PRELID2: variants seen among roughly 807,000 people sequenced by gnomAD.
PRELID2 encodes PRELI domain-containing protein 2.
A neutral mutation model predicts 28.4 loss-of-function variants in PRELID2; 25 were observed. The ratio of observed to expected loss-of-function variants is 0.88; its 90% CI spans 0.64 to 1.23. PRELID2 has a LOEUF of 1.23. Ranked by LOEUF, PRELID2 falls within the 50% of genes most tolerant of loss-of-function variation. PRELID2 has a pLI of 0.00. For missense variants in PRELID2, 201 were observed against 214.4 expected (o/e 0.94, Z 0.39); for synonymous variants, 76 against 71.6 (o/e 1.06, Z -0.31).
chr5:145,431,608 G>A, the PRELID2 span, among the ~76,000 whole-genome samples: 30 of 152,248 alleles, frequency 2.0e-4, no homozygotes, highest in Non-Finnish European at 2.9e-4. Flanking sequence ...CATCAGCTCC[G>A]TAATATTTCT....
chr5:145,813,691 G>C (rs573453931), intron 4 of PRELID2, among the ~76,000 whole-genome samples: 1 of 152,162 alleles, frequency 6.6e-6, no homozygotes, highest in South Asian at 2.1e-4. Flanking sequence ...CTTTGACCTT[G>C]ACATAGTAGG....
chr5:145,316,991 C>G, the PRELID2 span, among the ~76,000 whole-genome samples: 1 of 152,178 alleles, frequency 6.6e-6, no homozygotes, highest in Non-Finnish European at 1.5e-5. Context: ...TCAGATTCCA[C>G]CAGGATATTT....
chr5:145,521,664 G>C (rs114863574), intron 1 of PRELID2, among the ~76,000 whole-genome samples: 3,290 of 152,124 alleles, frequency 0.022, 120 homozygotes, highest in African/African-American at 0.076. Context: ...TTGTTCTTCA[G>C]GGAACAGGTA....
chr5:145,477,807 C>A (rs1291312398), intron 1 of PRELID2, among the ~76,000 whole-genome samples: 1 of 150,960 alleles, frequency 6.6e-6, no homozygotes, highest in Non-Finnish European at 1.5e-5. Flanking sequence ...TGTATAAATA[C>A]CTTTTTAGTC....
intron 1 of PRELID2, among the ~76,000 whole-genome samples, chr5:145,591,739 T>C (rs2149631420): frequency 6.6e-6 from 1 of 152,328 alleles, no homozygotes. Context: ...AGGAAACCCA[T>C]TCTTTACCAC....
chr5:145,520,127 A>T (rs1752551670), intron 1 of PRELID2, among the ~76,000 whole-genome samples: 1 of 152,194 alleles, frequency 6.6e-6, no homozygotes, highest in African/African-American at 2.4e-5. Flanking sequence ...GTACAAAAAA[A>T]TTCTGTAAAG....
At chr5:145,628,702 C>T (rs1753890518) in intron 1 of PRELID2, among the ~76,000 whole-genome samples, 1 of 152,270 alleles carries the variant, frequency 6.6e-6, no homozygotes, top group East Asian at 1.9e-4. Context: ...CCAGCTCCTC[C>T]TCTTCTTTCA....
At chr5:145,512,484 A>G (rs1752470171) in intron 1 of PRELID2, among the ~76,000 whole-genome samples, 2 of 152,362 alleles carry the variant, frequency 1.3e-5, no homozygotes, top group East Asian at 1.9e-4. Flanking sequence ...AAAGAAAGGC[A>G]GCAGCCCCAG....
intron 4 of PRELID2, among the ~76,000 whole-genome samples, chr5:145,802,884 G>C (rs997110680): frequency 1.3e-5 from 2 of 152,108 alleles, no homozygotes; most frequent in African/African-American, 4.8e-5. Flanking sequence ...ATATGGATCA[G>C]GAATTAATCC....
chr5:145,507,032 T>C (rs968884384), intron 1 of PRELID2, among the ~76,000 whole-genome samples: 4 of 152,204 alleles, frequency 2.6e-5, no homozygotes, highest in Non-Finnish European at 1.5e-5. Context: ...TTCTCTGTCT[T>C]ATTCACTATT....
chr5:145,466,471 T>C, the PRELID2 span, among the ~76,000 whole-genome samples: 4 of 152,172 alleles, frequency 2.6e-5, no homozygotes, highest in South Asian at 2.1e-4. Context: ...TTAGAATATA[T>C]ATTACATGAT....
chr5:145,292,706 CACTTTT>C, the PRELID2 span, among the ~76,000 whole-genome samples: 2 of 152,022 alleles, frequency 1.3e-5, no homozygotes, highest in South Asian at 4.2e-4. Context: ...TCATTTCCCA[CACTTTT>C]ACTTTATTTT....
chr5:145,686,710 T>C (rs1481482619), intron 1 of PRELID2, among the ~76,000 whole-genome samples: 4 of 152,204 alleles, frequency 2.6e-5, no homozygotes, highest in Admixed American at 6.5e-5. Context: ...CTTGCCCTTT[T>C]GTTTCCGCCA....
chr5:145,643,325 GTGTGTAGGAA>G (rs1754140139), intron 1 of PRELID2, among the ~76,000 whole-genome samples: 1 of 152,112 alleles, frequency 6.6e-6, no homozygotes, highest in African/African-American at 2.4e-5. Context: ...TCTGTTATTG[GTGTGTAGGAA>G]TGCTTGTGAT....
the PRELID2 span, among the ~76,000 whole-genome samples, chr5:145,387,899 C>T: frequency 8.8e-3 from 1,307 of 149,264 alleles, 22 homozygotes; most frequent in African/African-American, 0.031. Flanking sequence ...GCACTCCAGC[C>T]TAGGCAAGAG....
chr5:145,417,910 G>C, the PRELID2 span, among the ~76,000 whole-genome samples: 1 of 152,234 alleles, frequency 6.6e-6, no homozygotes, highest in East Asian at 1.9e-4. Flanking sequence ...AATCAAGCAA[G>C]AGAAAGAAAT....
intron 1 of PRELID2, among the ~76,000 whole-genome samples, chr5:145,693,760 T>C (rs1382076161): frequency 6.6e-6 from 1 of 151,982 alleles, no homozygotes; most frequent in African/African-American, 2.4e-5. Context: ...GTTGAAAGAG[T>C]GAGACTCTAT....
intron 1 of PRELID2, among the ~76,000 whole-genome samples, chr5:145,710,175 AC>A (rs1337796950): frequency 6.6e-6 from 1 of 152,140 alleles, no homozygotes; most frequent in Non-Finnish European, 1.5e-5. Context: ...GACACTGTCT[AC>A]TTTGCTTAAG....
At chr5:145,347,128 A>C in the PRELID2 span, among the ~76,000 whole-genome samples, 2 of 152,134 alleles carry the variant, frequency 1.3e-5, no homozygotes, top group Non-Finnish European at 2.9e-5. Flanking sequence ...GTAAAACCAC[A>C]AAGTTCTGCA....
Sources: gnomAD v4.1 joint callset for allele counts (sites outside exome capture counted in the v4.1 genomes callset) on GRCh38, gnomAD v4.1.1 for gene constraint, MANE v1.5 for transcripts, NCBI Gene and HGNC (gene_info 2026-07-23, HGNC 2026-07-21) for gene names.